The following RBFOX1 variants were observed in gnomAD, a reference collection of about 807,000 sequenced individuals.
RBFOX1 encodes RNA binding protein fox-1 homolog 1.
A neutral mutation model predicts 57.7 loss-of-function variants in RBFOX1; 8 were observed. That is an observed-to-expected ratio of 0.14 (90% CI 0.08 to 0.25). The LOEUF (loss-of-function observed/expected upper bound fraction) is 0.25, where lower values mean the gene tolerates loss of function less well. Among genes scored for constraint, RBFOX1 ranks in the 10% least tolerant of loss-of-function variants. The probability of loss-of-function intolerance (pLI) is 1.00; values close to 1 mark genes in which losing one functional copy is unlikely to be tolerated. For missense variants in RBFOX1, 611 were observed against 548.5 expected (o/e 1.11, Z -1.14); for synonymous variants, 326 against 222.4 (o/e 1.47, Z -4.15).
At chr16:5,271,959 G>T (rs1419323217) in intron 1 of RBFOX1, among the ~76,000 whole-genome samples, 3 of 152,316 alleles carry the variant, frequency 2.0e-5, no homozygotes, top group African/African-American at 7.2e-5. Flanking sequence ...ATAGTATTCC[G>T]TTGTGTGTAT....
chr16:6,922,405 G>C (rs2074665158), intron 3 of RBFOX1, among the ~76,000 whole-genome samples: 2 of 152,342 alleles, frequency 1.3e-5, no homozygotes, highest in Middle Eastern at 6.8e-3. Flanking sequence ...AGCAGTGGCT[G>C]CTGGTTTTTG....
intron 2 of RBFOX1, among the ~76,000 whole-genome samples, chr16:6,561,395 A>T (rs551877854): frequency 6.6e-6 from 1 of 152,362 alleles, no homozygotes; most frequent in East Asian, 1.9e-4. Flanking sequence ...GTAAGTAAAT[A>T]ACATGTTTTT....
intron 3 of RBFOX1, among the ~76,000 whole-genome samples, chr16:6,808,178 G>GTATATATATA (rs71145298): frequency 6.9e-6 from 1 of 145,544 alleles, no homozygotes; most frequent in African/African-American, 2.6e-5. Context: ...GTGTGTGTGT[G>GTATATATATA]TATATATATA....
intron 3 of RBFOX1, among the ~76,000 whole-genome samples, chr16:5,672,434 T>C (rs1028334599): frequency 3.9e-5 from 6 of 152,174 alleles, no homozygotes; most frequent in African/African-American, 1.2e-4. Flanking sequence ...ATCCTAGTCT[T>C]CATTTCTGCT....
At chr16:7,172,158 T>C (rs1335402705) in intron 4 of RBFOX1, among the ~76,000 whole-genome samples, 1 of 152,208 alleles carries the variant, frequency 6.6e-6, no homozygotes, top group Non-Finnish European at 1.5e-5. Flanking sequence ...TTTAGAATTC[T>C]GCATCCTGGA....
chr16:6,807,528 C>T (rs1603627315), intron 3 of RBFOX1, among the ~76,000 whole-genome samples: 2 of 151,950 alleles, frequency 1.3e-5, no homozygotes, highest in Admixed American at 6.6e-5. Flanking sequence ...TATTAAGATG[C>T]ATACTATGGC....
chr16:6,711,898 G>T (rs141529511), intron 3 of RBFOX1, among the ~76,000 whole-genome samples: 1 of 152,094 alleles, frequency 6.6e-6, no homozygotes, highest in South Asian at 2.1e-4. Context: ...CACTGTTTCA[G>T]TGAGGTATTT....
intron 1 of RBFOX1, among the ~76,000 whole-genome samples, chr16:6,153,876 C>G (rs1039953673): frequency 1.3e-5 from 2 of 152,196 alleles, no homozygotes; most frequent in Non-Finnish European, 2.9e-5. Flanking sequence ...TAGCTTAGCT[C>G]TCACTGATGA....
At chr16:5,262,764 C>T (rs1344222243) in intron 1 of RBFOX1, among the ~76,000 whole-genome samples, 1 of 152,156 alleles carries the variant, frequency 6.6e-6, no homozygotes, top group Non-Finnish European at 1.5e-5. Context: ...GACTGGGGTG[C>T]TGATGGGGAG....
intron 4 of RBFOX1, among the ~76,000 whole-genome samples, chr16:7,081,956 G>A (rs1253864281): frequency 1.3e-5 from 2 of 152,138 alleles, no homozygotes; most frequent in African/African-American, 4.8e-5. Flanking sequence ...AAGAATCTGT[G>A]CTTGCTCCTG....
rs566598795 is a variant in RBFOX1, at chr16:7,130,363, G to A, written c.27+78265G>A. On this transcript the variant is annotated intron_variant, in intron 4 of 15. Transcript: ENST00000550418. Reference sequence around the variant, plus strand: ...AAGACTGATTATTTTTAAGCCAGCTGAATGGGTTAAGTGTTTGTCCATTGT... The same window carrying A: ...AAGACTGATTATTTTTAAGCCAGCTAAATGGGTTAAGTGTTTGTCCATTGT... Among the ~76,000 whole-genome samples the A allele has an allele frequency of 9.4e-4, 143 of 152,260 alleles. 1 individual carries two copies. Among genetic ancestry groups the A allele is most frequent in the Middle Eastern group, 3.4e-3 (1 of 294 alleles).
At chr16:6,528,633 G>C (rs1307171390) in intron 2 of RBFOX1, among the ~76,000 whole-genome samples, 1 of 152,210 alleles carries the variant, frequency 6.6e-6, no homozygotes, top group Non-Finnish European at 1.5e-5. Context: ...TTGTGAACCA[G>C]CTGTGGGCAG....
intron 2 of RBFOX1, among the ~76,000 whole-genome samples, chr16:6,413,319 C>CA (rs34475437): frequency 0.024 from 2,717 of 114,254 alleles, 47 homozygotes; most frequent in African/African-American, 0.048. Flanking sequence ...AACTACATCT[C>CA]AAAAAAAAAA....
At chr16:6,020,705 G>T (rs1166294452) in intron 1 of RBFOX1, among the ~76,000 whole-genome samples, 1 of 152,132 alleles carries the variant, frequency 6.6e-6, no homozygotes, top group Non-Finnish European at 1.5e-5. Context: ...GGCCAGGGGG[G>T]GGCTTGTCAG....
chr16:5,730,465 G>A (rs1044834013), intron 3 of RBFOX1, among the ~76,000 whole-genome samples: 1 of 152,210 alleles, frequency 6.6e-6, no homozygotes, highest in Non-Finnish European at 1.5e-5. Context: ...CACTGGAGCT[G>A]TTAATCTATG....
At chr16:6,793,185 G>T (rs960512492) in intron 3 of RBFOX1, among the ~76,000 whole-genome samples, 1 of 152,158 alleles carries the variant, frequency 6.6e-6, no homozygotes, top group African/African-American at 2.4e-5. Context: ...ATATGATCCT[G>T]TTGATCAAAC....
exon 3 of RBFOX1, chr16:5,599,806 G>A (rs563074335): frequency 1.3e-5 from 2 of 153,534 alleles, no homozygotes; most frequent in South Asian, 2.1e-4. Flanking sequence ...AATGGAAATC[G>A]TAATGTAGGT....
At chr16:5,985,681 G>C (rs2060272247) in intron 4 of RBFOX1, among the ~76,000 whole-genome samples, 2 of 152,156 alleles carry the variant, frequency 1.3e-5, no homozygotes, top group Non-Finnish European at 2.9e-5. Flanking sequence ...TTGCCATTTG[G>C]GAAGGTGTTT....
intron 2 of RBFOX1, among the ~76,000 whole-genome samples, chr16:6,361,442 A>G (rs959630206): frequency 7.9e-5 from 12 of 152,024 alleles, no homozygotes; most frequent in African/African-American, 2.9e-4. Context: ...AGCCTGGCCA[A>G]TATGGTGACA....
Sources: allele counts gnomAD v4.1 joint callset (sites outside exome capture counted in the v4.1 genomes callset), GRCh38; gene constraint gnomAD v4.1.1; transcripts MANE v1.5; gene names NCBI Gene and HGNC (gene_info 2026-07-23, HGNC 2026-07-21).